Variants in ENOX1 observed in about 807,000 individuals in gnomAD.
The protein encoded by ENOX1 is ecto-NOX disulfide-thiol exchanger 1.
Under a neutral mutation model 82.5 loss-of-function variants are expected in ENOX1, and 42 were observed. That is an observed-to-expected ratio of 0.51 (90% CI 0.40 to 0.66). The LOEUF (loss-of-function observed/expected upper bound fraction) is 0.66, where lower values mean the gene tolerates loss of function less well. ENOX1 is among the 30% of genes least tolerant of loss of function. The pLI is 0.00. For synonymous variants in ENOX1, 271 were observed against 282.2 expected (o/e 0.96, Z 0.40); for missense variants, 608 against 811.6 (o/e 0.75, Z 3.05).
At chr13:43,514,820 C>T (rs914477485) in intron 2 of ENOX1, among the ~76,000 whole-genome samples, 25 of 151,162 alleles carry the variant, frequency 1.7e-4, no homozygotes, top group Admixed American at 4.0e-4. Flanking sequence ...GTTGGACTGT[C>T]AAGATGCCAT....
intron 5 of ENOX1, among the ~76,000 whole-genome samples, chr13:43,406,329 A>AC (rs1566137444): frequency 1.3e-5 from 2 of 152,156 alleles, no homozygotes; most frequent in Non-Finnish European, 2.9e-5. Context: ...AGAAGCAGTG[A>AC]CAGTGAACCC....
intron 2 of ENOX1, among the ~76,000 whole-genome samples, chr13:43,617,214 G>A (rs2082520677): frequency 6.6e-6 from 1 of 152,144 alleles, no homozygotes; most frequent in South Asian, 2.1e-4. Flanking sequence ...TAAACAATCT[G>A]CCAATGCTGG....
intron 1 of ENOX1, among the ~76,000 whole-genome samples, chr13:43,702,352 C>A (rs564539101): frequency 6.6e-6 from 1 of 152,240 alleles, no homozygotes; most frequent in South Asian, 2.1e-4. Flanking sequence ...AAAAAGATAT[C>A]AATGCTTTAC....
chr13:43,477,957 G>C (rs1245765029), intron 3 of ENOX1, among the ~76,000 whole-genome samples: 1 of 151,828 alleles, frequency 6.6e-6, no homozygotes, highest in East Asian at 1.9e-4. Context: ...CTCATTCACT[G>C]GGTGCTGGGG....
Position 43,619,025 on chromosome 13 carries a change from T to C in ENOX1, c.-219+48454A>G, listed in dbSNP as rs1489350746. Among the ~76,000 whole-genome samples, 5 of 150,984 alleles carry C rather than the reference T, an allele frequency of 3.3e-5. No individual in the cohort carries two copies. In the East Asian group the frequency reaches 7.8e-4, roughly 24 times the overall value. On this transcript the variant is annotated intron_variant, in intron 2 of 16. Transcript: ENST00000690772. ...AGCTATTGTAAAAGTGGTTGAGTTC[T>C]TGATTTGATTTTCTAGCCACTGTTG...
chr13:43,447,593 C>G (rs764796566), intron 3 of ENOX1, among the ~76,000 whole-genome samples: 3 of 151,774 alleles, frequency 2.0e-5, no homozygotes, highest in Non-Finnish European at 4.4e-5. Flanking sequence ...TTTTTGACAC[C>G]TTTTTCACTC....
chr13:43,567,401 C>T (rs1008298451), intron 2 of ENOX1, among the ~76,000 whole-genome samples: 1 of 152,020 alleles, frequency 6.6e-6, no homozygotes, highest in African/African-American at 2.4e-5. Flanking sequence ...TATCACTCTC[C>T]TCTTTATCTA....
intron 2 of ENOX1, among the ~76,000 whole-genome samples, chr13:43,594,523 C>G (rs1361012991): frequency 6.6e-6 from 1 of 152,182 alleles, no homozygotes; most frequent in Non-Finnish European, 1.5e-5. Context: ...GGGGCTGAGG[C>G]TGACATGGAA....
chr13:43,416,967 G>A (rs555008121), intron 3 of ENOX1, among the ~76,000 whole-genome samples: 7 of 152,304 alleles, frequency 4.6e-5, no homozygotes, highest in East Asian at 3.9e-4. Flanking sequence ...CCAGCACCTC[G>A]GGAGGCCGGG....
At chr13:43,382,451 T>A (rs2052117219) in intron 5 of ENOX1, among the ~76,000 whole-genome samples, 1 of 152,178 alleles carries the variant, frequency 6.6e-6, no homozygotes, top group Admixed American at 6.5e-5. Flanking sequence ...CTATTTCTAT[T>A]CAGCCATCAG....
At chr13:43,672,605 C>A (rs2085321238) in intron 1 of ENOX1, among the ~76,000 whole-genome samples, 1 of 152,156 alleles carries the variant, frequency 6.6e-6, no homozygotes, top group Admixed American at 6.6e-5. Flanking sequence ...TCCTTCTACA[C>A]CATTTTAAAG....
chr13:43,276,361 C>T (rs1057185147), intron 12 of ENOX1, among the ~76,000 whole-genome samples: 5 of 152,248 alleles, frequency 3.3e-5, no homozygotes, highest in African/African-American at 9.6e-5. Flanking sequence ...TTTTGGCCTG[C>T]AATCTGAACT....
At chr13:43,657,484 G>T (rs1324154577) in intron 2 of ENOX1, among the ~76,000 whole-genome samples, 1 of 152,150 alleles carries the variant, frequency 6.6e-6, no homozygotes, top group Non-Finnish European at 1.5e-5. Flanking sequence ...GCTTCCTCAA[G>T]GTATAAAGGC....
intron 11 of ENOX1, among the ~76,000 whole-genome samples, chr13:43,310,944 A>G (rs2047165182): frequency 6.6e-6 from 1 of 151,748 alleles, no homozygotes; most frequent in South Asian, 2.1e-4. Context: ...TCTGCTTGCC[A>G]TAGTCCCCCA....
At chr13:43,753,363 A>G (rs1594689760) in intron 1 of ENOX1, among the ~76,000 whole-genome samples, 2 of 152,312 alleles carry the variant, frequency 1.3e-5, no homozygotes, top group East Asian at 3.9e-4. Flanking sequence ...TGGGAGAAAT[A>G]TTGTACGGCT....
intron 2 of ENOX1, among the ~76,000 whole-genome samples, chr13:43,620,390 T>C (rs892004380): frequency 8.5e-5 from 13 of 152,048 alleles, no homozygotes; most frequent in Non-Finnish European, 1.5e-4. Flanking sequence ...TTTTGGGTTA[T>C]GCTTTCCTTT....
At chr13:43,452,221 A>G (rs1261915999) in intron 3 of ENOX1, among the ~76,000 whole-genome samples, 1 of 152,098 alleles carries the variant, frequency 6.6e-6, no homozygotes, top group East Asian at 1.9e-4. Context: ...TGCTGCATCC[A>G]TCATCCCATC....
At chr13:43,775,542 T>A (rs975227404) in intron 1 of ENOX1, among the ~76,000 whole-genome samples, 3 of 152,206 alleles carry the variant, frequency 2.0e-5, no homozygotes, top group Non-Finnish European at 4.4e-5. Context: ...TGGCTACTAA[T>A]TTTAAGATTA....
intron 5 of ENOX1, among the ~76,000 whole-genome samples, chr13:43,379,430 G>A (rs1466937141): frequency 6.6e-6 from 1 of 152,028 alleles, no homozygotes; most frequent in Non-Finnish European, 1.5e-5. Context: ...ATGTGTTCAA[G>A]AAGGCAGAAG....
Sources: gnomAD v4.1 joint callset for allele counts (sites outside exome capture counted in the v4.1 genomes callset) on GRCh38, gnomAD v4.1.1 for gene constraint, MANE v1.5 for transcripts, NCBI Gene and HGNC (gene_info 2026-07-23, HGNC 2026-07-21) for gene names.